Variants in PLA2G4C observed in about 807,000 individuals in gnomAD.
The protein encoded by PLA2G4C is phospholipase A2 group IVC, also known as cytosolic phospholipase A2 gamma.
PLA2G4C carries 64 observed loss-of-function variants against 73.8 expected under a neutral mutation model. The observed-to-expected ratio is 0.87, with a 90% confidence interval of 0.71 to 1.07. The LOEUF is 1.07. PLA2G4C is among the 50% of genes least tolerant of loss of function. PLA2G4C has a pLI of 0.00. For missense variants in PLA2G4C, 622 were observed against 665.4 expected, an observed-to-expected ratio of 0.93 and a Z score of 0.72; for synonymous variants, 254 against 252.1, an observed-to-expected ratio of 1.01 and a Z score of -0.07.
At chr19:48,099,436 A>T (rs1193090440) in intron 5 of PLA2G4C, among the ~76,000 whole-genome samples, 1 of 152,144 alleles carries the variant, frequency 6.6e-6, no homozygotes, top group Non-Finnish European at 1.5e-5. Flanking sequence ...CTTTCTAGTA[A>T]ATCATATCAC....
At chr19:48,103,176 C>A (rs1272602750) in intron 4 of PLA2G4C, among the ~76,000 whole-genome samples, 1 of 152,126 alleles carries the variant, frequency 6.6e-6, no homozygotes, top group Non-Finnish European at 1.5e-5. Context: ...TCCAGCCAGG[C>A]CTGCCTTTTT....
At chr19:48,088,140 T>C (rs1303240741) in intron 9 of PLA2G4C, among the ~76,000 whole-genome samples, 1 of 152,066 alleles carries the variant, frequency 6.6e-6, no homozygotes, top group Non-Finnish European at 1.5e-5. Flanking sequence ...TTGCATGCCT[T>C]GTGGGGAATG....
intron 10 of PLA2G4C, among the ~76,000 whole-genome samples, chr19:48,081,759 C>CA (rs1600212499): frequency 1.5e-5 from 2 of 135,200 alleles, no homozygotes; most frequent in Non-Finnish European, 3.2e-5. Context: ...AATTCCGTCT[C>CA]AAAAAACAAG....
chr19:48,094,239 T>A (rs1425484604), intron 7 of PLA2G4C, among the ~76,000 whole-genome samples: 1 of 152,160 alleles, frequency 6.6e-6, no homozygotes, highest in Non-Finnish European at 1.5e-5. Context: ...CACTCTCCAG[T>A]CCCTTACCAT....
Position 48,081,796 on chromosome 19 carries a change from T to C in PLA2G4C, c.844+3263A>G, listed in dbSNP as rs115383622. On this transcript the variant is annotated intron_variant, in intron 10 of 16. Transcript: ENST00000599921. ...ACAAAAACAAAAAAACACTACACATTGGGGCCAGGTGTGGTGGCTCATGCC... is the reference window on the plus strand; with the variant it reads ...ACAAAAACAAAAAAACACTACACATCGGGGCCAGGTGTGGTGGCTCATGCC... Among the ~76,000 whole-genome samples, 731 of 133,112 alleles carry C rather than the reference T, an allele frequency of 5.5e-3. 6 individuals are homozygous for C. The highest frequency in any genetic ancestry group is 0.018 in the African/African-American group (705 of 38,548). The allele number at this position is 133,112 out of a possible 152,430, so 87.3% of individuals were successfully genotyped here. A position where few individuals can be genotyped will look rare whatever the true frequency, so the allele number is the denominator to read the frequency against.
intron 14 of PLA2G4C, among the ~76,000 whole-genome samples, chr19:48,059,281 A>AAG (rs997062884): frequency 9.9e-5 from 15 of 151,968 alleles, no homozygotes; most frequent in African/African-American, 3.1e-4. Flanking sequence ...AAAAAAAAAA[A>AAG]AAAAATTCTG....
chr19:48,096,460 A>G (rs945833276), intron 6 of PLA2G4C, among the ~76,000 whole-genome samples: 4 of 152,052 alleles, frequency 2.6e-5, no homozygotes, highest in Non-Finnish European at 4.4e-5. Context: ...GTGCATGCCT[A>G]TAATCCCAGC....
chr19:48,067,868 A>G lies in PLA2G4C; in HGVS notation c.1025T>C (p.Met342Thr), dbSNP rs761682021. The change falls in exon 13 of 17, where the codon ATG becomes ACG. Residue 342 changes from methionine to threonine, a missense_variant. Coordinates refer to ENST00000599921, the MANE Select transcript of PLA2G4C (RefSeq NM_003706.3). The part of the protein sequence containing the change: ...PERKGSLSNL[M>T]DFVKKTGICA... ...AATGCCTGTTTTCTTCACAAAATCC[A>G]TCAAGTTACTGAGTGAGCCTAGGGA... is the stretch of plus-strand genomic sequence containing the variant. The G allele has an allele frequency of 1.2e-6, 2 of 1,613,302 alleles. No homozygotes were observed. Among genetic ancestry groups the G allele is most frequent in the African/African-American group, 2.7e-5 (2 of 74,914 alleles).
At chr19:48,096,664 C>T (rs1211814050) in intron 6 of PLA2G4C, 1 of 152,274 alleles carries the variant, frequency 6.6e-6, no homozygotes, top group South Asian at 2.1e-4. Flanking sequence ...CCACAGGTAA[C>T]TGGTAACATT....
At chr19:48,061,355 G>C (rs1259005295) in intron 14 of PLA2G4C, 1 of 153,064 alleles carries the variant, frequency 6.5e-6, no homozygotes, top group Non-Finnish European at 1.5e-5. Flanking sequence ...CACTTCACAT[G>C]TATTAACAAG....
At position 48,053,076 on chromosome 19, in the gene PLA2G4C, C is replaced by T. The variant is rs757163923; in HGVS notation, c.1501G>A (p.Val501Met). ...LADTYTLDVV[V>M]LLLALAKKNV... ...TTCTTGGCTAATGCCAAGAGTAGCA[C>T]CACCACATCTAGAGTGTAGGTGTCA... Residue 501 changes from valine to methionine, a missense_variant, in exon 16 of 17, where the codon GTG (valine) becomes ATG (methionine). Val to Met is a conservative substitution (Grantham distance 21). Transcript: ENST00000599921. 4.3e-6 allele frequency: 7 copies of T among 1,613,294 alleles called. No individual in the cohort carries two copies. The South Asian group carries it at 4.4e-5, about 10-fold the overall frequency.
intron 3 of PLA2G4C, among the ~76,000 whole-genome samples, chr19:48,105,006 C>T (rs1227079778): frequency 7.1e-6 from 1 of 141,002 alleles, no homozygotes; most frequent in Non-Finnish European, 1.5e-5. Flanking sequence ...TAGCTTGAAC[C>T]TGGGAGGTGG....
intron 7 of PLA2G4C, 177 bp from the exon 8 acceptor site, chr19:48,090,594 T>C (rs371961949): frequency 3.9e-5 from 24 of 618,792 alleles, no homozygotes; most frequent in East Asian, 2.2e-4. Flanking sequence ...GGCACTCTTC[T>C]GGCTGTTGGA....
intron 3 of PLA2G4C, 37 bp from the exon 4 acceptor site, chr19:48,104,761 G>C (rs375652095): frequency 5.0e-6 from 8 of 1,607,936 alleles, no homozygotes; most frequent in African/African-American, 1.3e-5. Context: ...GAGGTTTAGA[G>C]CCTGAGGATG....
At chr19:48,050,064 A>G (rs8106219) in intron 16 of PLA2G4C, among the ~76,000 whole-genome samples, 136,459 of 152,174 alleles carry the variant, frequency 0.9, 61,501 homozygotes, top group South Asian at 0.95. Flanking sequence ...TGGGACTACA[A>G]GTGTGCACTA....
Position 48,104,581 on chromosome 19 carries a change from T to C in PLA2G4C, c.257+7A>G. 1.2e-6 allele frequency: 2 copies of C among 1,613,526 alleles called. No individual in the cohort carries two copies. Among genetic ancestry groups the C allele is most frequent in the Non-Finnish European group, 1.7e-6 (2 of 1,179,716 alleles). ...AGAAAGCAATCTGAAACATGAGTGA[T>C]GCTTACCAAGTGGATCCAGAGACCC... On this transcript the variant is annotated splice_region_variant and intron_variant, in intron 4 of 16. Coordinates refer to ENST00000599921, the MANE Select transcript of PLA2G4C (RefSeq NM_003706.3).
At chr19:48,105,540 G>A in intron 2 of PLA2G4C, 96 bp from the exon 3 acceptor site, 1 of 848,888 alleles carries the variant, frequency 1.2e-6, no homozygotes, top group Admixed American at 2.2e-5. Context: ...CAAGCAGGTA[G>A]CCACCAGCCC....
rs11564638 is a variant in PLA2G4C at position 48,062,024 on chromosome 19, C to T, written c.1231G>A (p.Asp411Asn). Reference protein sequence around the residue: ...TREVHLILSFDFSAGDPFETI... With the variant: ...TREVHLILSFNFSAGDPFETI... ...TCGAAAGGATCTCCGGCACTGAAGT[C>T]GAAGGAGAGGATGAGGTGAACCTCC... Residue 411 changes from aspartate (D) to asparagine (N), a missense_variant, in exon 14 of 17, where the codon GAC (aspartate) becomes AAC (asparagine). By Grantham distance (23) the Asp-to-Asn change is conservative (BLOSUM62 1). Coordinates refer to ENST00000599921, the MANE Select transcript of PLA2G4C (RefSeq NM_003706.3). The T allele has an allele frequency of 8.1e-4, 1,312 of 1,613,742 alleles. 13 individuals are homozygous for T. In the African/African-American group the frequency reaches 0.015, roughly 18 times the overall value.
At chr19:48,091,154 A>C (rs2031274993) in intron 7 of PLA2G4C, among the ~76,000 whole-genome samples, 1 of 152,156 alleles carries the variant, frequency 6.6e-6, no homozygotes, top group Admixed American at 6.5e-5. Flanking sequence ...AATGTTGCAC[A>C]GCTAAACCAA....
Sources: gnomAD v4.1 joint callset for allele counts (sites outside exome capture counted in the v4.1 genomes callset) on GRCh38, gnomAD v4.1.1 for gene constraint, MANE v1.5 for transcripts, NCBI Gene and HGNC (gene_info 2026-07-23, HGNC 2026-07-21) for gene names.